MERTK: variants seen among roughly 807,000 people sequenced by gnomAD.
MERTK encodes the protein tyrosine-protein kinase Mer.
In MERTK, 69 loss-of-function variants were observed where a neutral mutation model predicts 99.3. That is an observed-to-expected ratio of 0.70 (90% CI 0.57 to 0.85). MERTK has a LOEUF of 0.85. Ranked by LOEUF, MERTK falls within the 40% of genes least tolerant of loss-of-function variation. MERTK has a pLI of 0.00. For missense variants in MERTK, 1,125 were observed against 1,249.4 expected, an observed-to-expected ratio of 0.90 and a Z score of 1.50; for synonymous variants, 426 against 467.6, an observed-to-expected ratio of 0.91 and a Z score of 1.15.
intron 1 of MERTK, among the ~76,000 whole-genome samples, chr2:111,919,084 C>T (rs185481165): frequency 3.3e-5 from 5 of 152,316 alleles, no homozygotes; most frequent in East Asian, 3.9e-4. Context: ...CTGGCCTCTA[C>T]GTGGCTGAGC....
intron 18 of MERTK, 33 bp downstream of exon 18, chr2:112,022,427 C>T (rs1008614531): frequency 1.9e-6 from 3 of 1,614,054 alleles, no homozygotes; most frequent in Non-Finnish European, 2.5e-6. Flanking sequence ...CTTCCATACT[C>T]TGCATGGGGC....
intron 2 of MERTK, among the ~76,000 whole-genome samples, chr2:111,930,785 A>G (rs756569212): frequency 8.5e-5 from 13 of 152,314 alleles, no homozygotes; most frequent in Admixed American, 3.9e-4. Context: ...ATGTCTCAGA[A>G]TGCTGCAGAC....
chr2:112,020,556 G>T (rs781088522), intron 16 of MERTK: 3 of 470,136 alleles, frequency 6.4e-6, no homozygotes, highest in Non-Finnish European at 8.8e-6. Flanking sequence ...AGTAGCTTGG[G>T]CTACAAATGC....
Position 111,990,920 on chromosome 2 carries a change from A to G in MERTK, c.1297-3331A>G, listed in dbSNP as rs190084194. Among the ~76,000 whole-genome samples, 24 of 152,216 alleles carry G rather than the reference A, an allele frequency of 1.6e-4. 1 individual carries two copies. In the South Asian group the frequency reaches 3.3e-3, roughly 21 times the overall value. On this transcript the variant is annotated intron_variant, in intron 8 of 18. Coordinates refer to ENST00000295408, the MANE Select transcript of MERTK (RefSeq NM_006343.3). The stretch of plus-strand genomic sequence containing the variant: ...CTTCTATTCATTTAATTCTTTCCCA[A>G]TCGTGTAATTCCTCTTATTTTGAGA...
Position 112,001,219 on chromosome 2 carries a change from G to A in MERTK, c.1623G>A (p.Glu541=). 1 of 1,613,336 alleles carries A rather than the reference G, an allele frequency of 6.2e-7. No individual in the cohort carries two copies. The highest frequency in any genetic ancestry group is 1.1e-5 in the South Asian group (1 of 91,048). The change falls in exon 11 of 19, where the codon GAG becomes GAA. Residue 541 remains glutamate (E), a synonymous_variant. Transcript: ENST00000295408. ...ETKFGNAFTE[E]DSELVVNYIA... Reference sequence around the variant, plus strand: ...CACCCAGGAATGCATTCACAGAGGAGGATTCTGAATTAGTGGTGAATTATA... The same window carrying A: ...CACCCAGGAATGCATTCACAGAGGAAGATTCTGAATTAGTGGTGAATTATA...
intron 2 of MERTK, among the ~76,000 whole-genome samples, chr2:111,937,974 A>G (rs138886355): frequency 1.2e-4 from 18 of 152,288 alleles, no homozygotes; most frequent in Admixed American, 3.3e-4. Flanking sequence ...TATACAATTC[A>G]GTGGCATTCA....
At chr2:111,980,563 C>T (rs1031877318) in intron 7 of MERTK, among the ~76,000 whole-genome samples, 3 of 151,868 alleles carry the variant, frequency 2.0e-5, no homozygotes, top group Admixed American at 6.6e-5. Flanking sequence ...GGACTACAGG[C>T]GCCCGCCACC....
chr2:111,999,424 G>A (rs943790815), intron 10 of MERTK, among the ~76,000 whole-genome samples: 4 of 152,088 alleles, frequency 2.6e-5, no homozygotes, highest in South Asian at 2.1e-4. Flanking sequence ...TCAGCCTCCC[G>A]ATTAGCTGGG....
At chr2:112,008,542 A>C (rs776404991) in intron 14 of MERTK, 67 bp downstream of exon 14, 1 of 1,191,052 alleles carries the variant, frequency 8.4e-7, no homozygotes, top group South Asian at 1.2e-5. Context: ...TGCCAAAGGA[A>C]AAAATCTCTG....
intron 9 of MERTK, chr2:111,996,901 T>C (rs1676755287): frequency 3.9e-6 from 1 of 253,986 alleles, no homozygotes; most frequent in Non-Finnish European, 7.8e-6. Context: ...TCTCGATCGT[T>C]TTTTTACAAA....
intron 3 of MERTK, among the ~76,000 whole-genome samples, chr2:111,947,077 A>G (rs1229945611): frequency 6.6e-6 from 1 of 152,214 alleles, no homozygotes; most frequent in African/African-American, 2.4e-5. Flanking sequence ...GTTCGAGGCC[A>G]GCCTGGCCAA....
chr2:111,931,206 T>C (rs1174370132), intron 2 of MERTK, among the ~76,000 whole-genome samples: 2 of 152,096 alleles, frequency 1.3e-5, no homozygotes, highest in Non-Finnish European at 2.9e-5. Context: ...CCCTTTTTTT[T>C]ACATTTTTTC....
At position 112,004,060 on chromosome 2, in the gene MERTK, T is replaced by G. The variant is rs974616005; in HGVS notation, c.1867+76T>G. On this transcript the variant is annotated intron_variant, in intron 13 of 18. Coordinates refer to ENST00000295408, the MANE Select transcript of MERTK (RefSeq NM_006343.3). ...GTATTGGGTGCTCCATGAGGCCATA[T>G]GTCACAATCTCAGTTCCCAGTGGGC... The G allele has an allele frequency of 3.8e-6, 5 of 1,299,860 alleles. No individual in the cohort carries two copies. In the Admixed American group the frequency reaches 6.8e-5, roughly 18 times the overall value. The allele number at this position is 1,299,860 out of a possible 1,614,324, so 80.5% of individuals were successfully genotyped here. A position where few individuals can be genotyped will look rare whatever the true frequency, so the allele number is the denominator to read the frequency against.
In MERTK at chr2:112,028,275, G is replaced by T. The variant is rs2104429627; in HGVS notation, c.2487-76G>T. The T allele has an allele frequency of 2.7e-6, 4 of 1,466,330 alleles. No homozygotes were observed. In the East Asian group the frequency reaches 9.1e-5, roughly 33 times the overall value. The allele number at this position is 1,466,330 out of a possible 1,614,324, so 90.8% of individuals were successfully genotyped here. On this transcript the variant is annotated intron_variant, in intron 18 of 18. Coordinates refer to ENST00000295408, the MANE Select transcript of MERTK (RefSeq NM_006343.3). The stretch of plus-strand genomic sequence containing the variant: ...CTGATTAAAATGTGATAAAGATTCT[G>T]TAAAAACAAAGGCATGGATTGCACA...
Position 112,029,285 on chromosome 2 carries a change from A to C in MERTK, c.*421A>C, listed in dbSNP as rs79733690. On this transcript the variant is annotated 3_prime_UTR_variant, in exon 19 of 19. Transcript: ENST00000295408. ...TTGGCTTCTGGTCTTGATGTATTTG[A>C]TAAGAATGATTCATTCAATGTTTAA... is the stretch of plus-strand genomic sequence containing the variant. 2.1e-6 allele frequency: 2 copies of C among 967,158 alleles called. No homozygotes were observed. The highest frequency in any genetic ancestry group is 1.8e-5 in the African/African-American group (1 of 56,712). 59.9% of individuals were successfully genotyped at this position (967,158 alleles called of 1,614,324 possible).
rs2104430065 is a variant in MERTK, at chr2:112,028,664, G to T, written c.2800G>T (p.Gly934Cys). The change falls in exon 19 of 19, where the codon GGC (glycine) becomes TGC (cysteine). Residue 934 changes from glycine to cysteine, a missense_variant. By Grantham distance (159) the Gly-to-Cys change is radical (BLOSUM62 -3). Transcript: ENST00000295408. ...PHEGRYILNG[G>C]SEEWEDLTSA... The stretch of plus-strand genomic sequence containing the variant: ...TGAAGGACGGTACATCCTGAATGGG[G>T]GCAGTGAGGAATGGGAAGATCTGAC... 1.2e-6 allele frequency: 2 copies of T among 1,614,194 alleles called. No homozygotes were observed. The highest frequency in any genetic ancestry group is 8.5e-7 in the Non-Finnish European group (1 of 1,180,038).
At chr2:111,900,119 A>G (rs915417804) in intron 1 of MERTK, among the ~76,000 whole-genome samples, 7 of 152,090 alleles carry the variant, frequency 4.6e-5, no homozygotes, top group African/African-American at 1.7e-4. Flanking sequence ...GCCTTCACCT[A>G]TTACAGTCAA....
At chr2:112,025,674 T>C (rs1279913612) in intron 18 of MERTK, among the ~76,000 whole-genome samples, 1 of 152,222 alleles carries the variant, frequency 6.6e-6, no homozygotes, top group Non-Finnish European at 1.5e-5. Flanking sequence ...ATCATTTCCC[T>C]GTGCAGACTT....
intron 1 of MERTK, among the ~76,000 whole-genome samples, chr2:111,925,305 T>A (rs1463609637): frequency 4.7e-5 from 5 of 106,842 alleles, no homozygotes; most frequent in African/African-American, 7.2e-5. Flanking sequence ...TTTTTTTTTT[T>A]TTTTTTTTTT....
Sources: gnomAD v4.1 joint callset for allele counts (sites outside exome capture counted in the v4.1 genomes callset) on GRCh38, gnomAD v4.1.1 for gene constraint, MANE v1.5 for transcripts, NCBI Gene and HGNC (gene_info 2026-07-23, HGNC 2026-07-21) for gene names.